The following PRIM2 variants were observed in gnomAD, a reference collection of about 807,000 sequenced individuals.
The protein encoded by PRIM2 is DNA primase large subunit.
Under a neutral mutation model 67.3 loss-of-function variants are expected in PRIM2, and 39 were observed. The ratio of observed to expected loss-of-function variants is 0.58; its 90% CI spans 0.45 to 0.76. The LOEUF is 0.76. Among genes scored for constraint, PRIM2 ranks in the 30% least tolerant of loss-of-function variants. The pLI is 0.00. For synonymous variants in PRIM2, 143 were observed against 198.7 expected (o/e 0.72, Z 2.36); for missense variants, 398 against 598.7 (o/e 0.66, Z 3.50).
chr6:57,544,406 G>A (rs1775243851), intron 10 of PRIM2, among the ~76,000 whole-genome samples: 2 of 152,148 alleles, frequency 1.3e-5, no homozygotes, highest in Admixed American at 1.3e-4. Context: ...TCAAGCTGAT[G>A]CCCTTTGGAT....
chr6:57,603,599 T>C (rs1268729961), intron 11 of PRIM2, among the ~76,000 whole-genome samples: 1 of 152,024 alleles, frequency 6.6e-6, no homozygotes, highest in African/African-American at 2.4e-5. Context: ...TAGTATAGTT[T>C]GGAGTTAGGT....
the PRIM2 span, among the ~76,000 whole-genome samples, chr6:57,305,993 C>T: frequency 6.6e-6 from 1 of 152,160 alleles, no homozygotes; most frequent in Non-Finnish European, 1.5e-5. Flanking sequence ...AAATGATGCT[C>T]ATAAATACCA....
At chr6:57,311,103 G>C (rs1157936334), upstream of PRIM2, among the ~76,000 whole-genome samples, 1 of 138,252 alleles carries the variant, frequency 7.2e-6, no homozygotes, top group Non-Finnish European at 1.6e-5. Flanking sequence ...GGTGGTGGCC[G>C]GGCAGAGATG....
At chr6:57,603,907 T>C (rs1776516662) in intron 11 of PRIM2, among the ~76,000 whole-genome samples, 2 of 152,218 alleles carry the variant, frequency 1.3e-5, no homozygotes, top group Admixed American at 1.3e-4. Context: ...CTTGCTTAGA[T>C]GTATTCCTAA....
intron 12 of PRIM2, among the ~76,000 whole-genome samples, chr6:57,613,820 A>G (rs1428923175): frequency 6.6e-6 from 1 of 151,916 alleles, no homozygotes; most frequent in Non-Finnish European, 1.5e-5. Flanking sequence ...GACAGTAAGT[A>G]TGTCTACTCT....
chr6:57,577,281 T>C (rs1316716646), intron 10 of PRIM2, among the ~76,000 whole-genome samples: 29 of 152,206 alleles, frequency 1.9e-4, no homozygotes, highest in Non-Finnish European at 3.7e-4. Flanking sequence ...CACATCTTAC[T>C]GTGTGCATTT....
chr6:57,570,420 T>C (rs1775841187), intron 10 of PRIM2, among the ~76,000 whole-genome samples: 1 of 152,282 alleles, frequency 6.6e-6, no homozygotes, highest in South Asian at 2.1e-4. Context: ...ATTAATGAAC[T>C]TGATTATATT....
At chr6:57,300,395 G>A in the PRIM2 span, among the ~76,000 whole-genome samples, 1 of 152,138 alleles carries the variant, frequency 6.6e-6, no homozygotes, top group Non-Finnish European at 1.5e-5. Flanking sequence ...AGTGGGCAAG[G>A]ATACTTGCTG....
At chr6:57,309,620 A>G in the PRIM2 span, among the ~76,000 whole-genome samples, 5 of 152,152 alleles carry the variant, frequency 3.3e-5, no homozygotes, top group African/African-American at 1.2e-4. Flanking sequence ...ATGCTGCAAT[A>G]AACATACGTG....
chr6:57,481,729 T>TG (rs1773633969), intron 7 of PRIM2, among the ~76,000 whole-genome samples: 1 of 152,022 alleles, frequency 6.6e-6, no homozygotes, highest in South Asian at 2.1e-4. Flanking sequence ...AATGTAGGAG[T>TG]GACTCTGGTT....
the PRIM2 span, among the ~76,000 whole-genome samples, chr6:57,280,870 C>A: frequency 6.6e-6 from 1 of 152,142 alleles, no homozygotes; most frequent in African/African-American, 2.4e-5. Flanking sequence ...TAATTTACCA[C>A]CTTTACCATT....
At chr6:57,540,829 C>T (rs1775133601) in intron 10 of PRIM2, among the ~76,000 whole-genome samples, 1 of 152,094 alleles carries the variant, frequency 6.6e-6, no homozygotes, top group Admixed American at 6.5e-5. Context: ...ATTTAATAGC[C>T]CCACCCTGTT....
At chr6:57,367,336 A>G (rs1320299881) in intron 5 of PRIM2, among the ~76,000 whole-genome samples, 1 of 152,080 alleles carries the variant, frequency 6.6e-6, no homozygotes, top group Non-Finnish European at 1.5e-5. Context: ...TTTTCCTATT[A>G]TATGGCTCTC....
chr6:57,338,228 C>A (rs80292036), intron 5 of PRIM2, among the ~76,000 whole-genome samples: 13 of 151,378 alleles, frequency 8.6e-5, no homozygotes, highest in Non-Finnish European at 8.9e-5. Flanking sequence ...AGCTTACCAA[C>A]CAAAAAGAGT....
intron 10 of PRIM2, among the ~76,000 whole-genome samples, chr6:57,544,774 C>T (rs1277313570): frequency 6.6e-6 from 1 of 152,200 alleles, no homozygotes; most frequent in African/African-American, 2.4e-5. Context: ...TTTCTTGTTG[C>T]CTGCTGCATG....
chr6:57,427,311 T>C (rs1233167107), intron 7 of PRIM2, among the ~76,000 whole-genome samples: 3 of 152,232 alleles, frequency 2.0e-5, no homozygotes, highest in Admixed American at 6.5e-5. Flanking sequence ...AATTGTATTT[T>C]AACTGGGTTA....
At chr6:57,248,407 T>C in the PRIM2 span, among the ~76,000 whole-genome samples, 1 of 152,238 alleles carries the variant, frequency 6.6e-6, no homozygotes, top group Admixed American at 6.5e-5. Context: ...GGTGGGTTGT[T>C]GTCCAGGTTC....
the PRIM2 span, among the ~76,000 whole-genome samples, chr6:57,299,022 T>C: frequency 6.6e-6 from 1 of 152,102 alleles, no homozygotes; most frequent in Non-Finnish European, 1.5e-5. Flanking sequence ...CTAGCCCTAC[T>C]ACTGTGGACG....
intron 10 of PRIM2, among the ~76,000 whole-genome samples, chr6:57,541,955 G>T (rs2127471818): frequency 6.6e-6 from 1 of 150,946 alleles, no homozygotes; most frequent in East Asian, 2.0e-4. Context: ...TGAAGAGCTG[G>T]GTGGTTGTTG....
Sources: allele counts gnomAD v4.1 joint callset (sites outside exome capture counted in the v4.1 genomes callset), GRCh38; gene constraint gnomAD v4.1.1; transcripts MANE v1.5; gene names NCBI Gene and HGNC (gene_info 2026-07-23, HGNC 2026-07-21).